CAMLG: variants seen among roughly 807,000 people sequenced by gnomAD.
CAMLG encodes calcium modulating ligand.
In CAMLG, 23 loss-of-function variants were observed where a neutral mutation model predicts 28.9. The observed-to-expected ratio is 0.80, with a 90% CI of 0.57 to 1.13. The LOEUF (loss-of-function observed/expected upper bound fraction) is 1.13, where lower values mean the gene tolerates loss of function less well. Ranked by LOEUF, CAMLG falls within the 50% of genes most tolerant of loss-of-function variation. The probability of loss-of-function intolerance (pLI) is 0.00; values close to 1 mark genes in which losing one functional copy is unlikely to be tolerated. For missense variants in CAMLG, 367 were observed against 371.9 expected, an observed-to-expected ratio of 0.99 and a Z score of 0.11; for synonymous variants, 141 against 146.5, an observed-to-expected ratio of 0.96 and a Z score of 0.27.
chr5:134,742,547 T>C (rs1752997920), intron 2 of CAMLG, among the ~76,000 whole-genome samples: 1 of 152,152 alleles, frequency 6.6e-6, no homozygotes, highest in Non-Finnish European at 1.5e-5. Flanking sequence ...TCCTAATATA[T>C]CATAATGAGT....
At chr5:134,747,942 A>G (rs1446468385) in intron 3 of CAMLG, among the ~76,000 whole-genome samples, 4 of 147,624 alleles carry the variant, frequency 2.7e-5, no homozygotes, top group African/African-American at 1.0e-4. Flanking sequence ...GCTCACCACA[A>G]CCTCCGCCTC....
At chr5:134,749,140 T>G (rs912484115) in intron 3 of CAMLG, among the ~76,000 whole-genome samples, 7 of 151,790 alleles carry the variant, frequency 4.6e-5, no homozygotes, top group African/African-American at 1.5e-4. Flanking sequence ...CGATCTCGGC[T>G]CACTGCAGCC....
chr5:134,752,040 A>C lies in CAMLG; in HGVS notation c.*1090A>C, dbSNP rs1045499953. On this transcript the variant is annotated 3_prime_UTR_variant, in exon 4 of 4. Coordinates refer to ENST00000297156, the MANE Select transcript of CAMLG (RefSeq NM_001745.4). ...CCATATTTTGTTGGGTTGTCTTCTT[A>C]AAAGAATATAAGACTAAAGTGTTAA... The C allele has an allele frequency of 1.3e-5, 2 of 152,206 alleles. No individual in the cohort carries two copies. Among genetic ancestry groups the C allele is most frequent in the Non-Finnish European group, 2.9e-5 (2 of 68,036 alleles). The allele number at this position is 152,206 out of a possible 1,614,324, so 9.4% of individuals were successfully genotyped here. A position where few individuals can be genotyped will look rare whatever the true frequency, so the allele number is the denominator to read the frequency against.
chr5:134,747,999 T>C (rs938745524), intron 3 of CAMLG, among the ~76,000 whole-genome samples: 2 of 151,664 alleles, frequency 1.3e-5, no homozygotes, highest in African/African-American at 4.8e-5. Flanking sequence ...GTAGCTGGGA[T>C]TACAGGCATG....
At chr5:134,744,527 C>CA (rs751658223) in intron 3 of CAMLG, among the ~76,000 whole-genome samples, 4,066 of 60,108 alleles carry the variant, frequency 0.068, 245 homozygotes, top group African/African-American at 0.16. Flanking sequence ...ACTCTGTCTC[C>CA]AAAAAAAAAA....
chr5:134,738,865 C>G (rs999683216), intron 1 of CAMLG, 73 bp downstream of exon 1: 7 of 1,413,934 alleles, frequency 5.0e-6, no homozygotes, highest in Non-Finnish European at 6.9e-6. Context: ...CCCTCTCCCA[C>G]CTCCACTCCT....
chr5:134,739,527 CAT>C (rs1752958871), intron 1 of CAMLG, among the ~76,000 whole-genome samples: 1 of 152,186 alleles, frequency 6.6e-6, no homozygotes, highest in South Asian at 2.1e-4. Context: ...CCCCCAAACA[CAT>C]GTCCAATGAT....
intron 3 of CAMLG, among the ~76,000 whole-genome samples, chr5:134,747,536 C>T (rs1426070853): frequency 6.6e-6 from 1 of 151,930 alleles, no homozygotes; most frequent in African/African-American, 2.4e-5. Context: ...TTAGTAGAGA[C>T]GGGGTTTCAC....
At chr5:134,746,460 C>A (rs564927153) in intron 3 of CAMLG, among the ~76,000 whole-genome samples, 8 of 152,082 alleles carry the variant, frequency 5.3e-5, no homozygotes, top group Admixed American at 1.3e-4. Flanking sequence ...AACAAAACAG[C>A]ATTTTGTTAT....
At chr5:134,741,752 C>A (rs79706599) in intron 2 of CAMLG, among the ~76,000 whole-genome samples, 15,372 of 152,256 alleles carry the variant, frequency 0.1, 1,088 homozygotes, top group East Asian at 0.26. Context: ...GTTGGTTCTG[C>A]ACCCTATGTG....
chr5:134,749,007 AAG>A (rs1753082509), intron 3 of CAMLG, among the ~76,000 whole-genome samples: 1 of 151,730 alleles, frequency 6.6e-6, no homozygotes, highest in Non-Finnish European at 1.5e-5. Context: ...GACTAAAACT[AAG>A]AGCTTTCTTG....
intron 3 of CAMLG, 122 bp downstream of exon 3, chr5:134,744,174 GTTTGCC>G (rs1753017924): frequency 1.7e-6 from 1 of 577,470 alleles, no homozygotes; most frequent in Non-Finnish European, 3.1e-6. Flanking sequence ...TCAAAGTGTG[GTTTGCC>G]CACTTATCTC....
chr5:134,738,933 G>T (rs1404379338), intron 1 of CAMLG, 141 bp downstream of exon 1: 6 of 809,258 alleles, frequency 7.4e-6, no homozygotes, highest in Non-Finnish European at 1.2e-5. Flanking sequence ...CCCCTTCGGT[G>T]ATATCCCAAG....
At chr5:134,743,785 G>C (rs746337390) in intron 2 of CAMLG, among the ~76,000 whole-genome samples, 1 of 152,050 alleles carries the variant, frequency 6.6e-6, no homozygotes, top group Non-Finnish European at 1.5e-5. Context: ...AGCATCGCTT[G>C]AATCTGGGAG....
At chr5:134,748,064 A>G (rs1456394325) in intron 3 of CAMLG, among the ~76,000 whole-genome samples, 1 of 150,218 alleles carries the variant, frequency 6.7e-6, no homozygotes, top group Non-Finnish European at 1.5e-5. Flanking sequence ...GGGTTTCACC[A>G]TGTTGGCCAA....
Position 134,741,131 on chromosome 5 carries a change from G to GTTT in CAMLG, c.242_244dup (p.Val81_Ser82insPhe). ...ACTGAACTCCCTCAGCGTTCCTTCC[G>GTTT]TTTCAAAGCGAGTAGTGCTGGGTGA... is the stretch of plus-strand genomic sequence containing the variant. On this transcript the variant is annotated inframe_insertion, in exon 2 of 4. Coordinates refer to ENST00000297156, the MANE Select transcript of CAMLG (RefSeq NM_001745.4). 1 of 1,614,124 alleles carries GTTT rather than the reference G, an allele frequency of 6.2e-7. No homozygotes were observed. The highest frequency in any genetic ancestry group is 8.5e-7 in the Non-Finnish European group (1 of 1,179,972).
intron 3 of CAMLG, among the ~76,000 whole-genome samples, chr5:134,744,477 T>C (rs1479198162): frequency 2.0e-5 from 3 of 149,862 alleles, no homozygotes. Context: ...TGAGCCAAGA[T>C]TGCGCCACTG....
chr5:134,744,695 A>G (rs1021275270), intron 3 of CAMLG, among the ~76,000 whole-genome samples: 6 of 152,204 alleles, frequency 3.9e-5, no homozygotes, highest in African/African-American at 1.4e-4. Context: ...AAATTTAGTA[A>G]TTCATTTTGT....
intron 3 of CAMLG, among the ~76,000 whole-genome samples, chr5:134,749,477 A>G (rs1374210266): frequency 2.0e-5 from 3 of 152,228 alleles, no homozygotes; most frequent in Non-Finnish European, 4.4e-5. Flanking sequence ...TAGAAAATTA[A>G]TAAGTAAATG....
Sources: gnomAD v4.1 joint callset for allele counts (sites outside exome capture counted in the v4.1 genomes callset) on GRCh38, gnomAD v4.1.1 for gene constraint, MANE v1.5 for transcripts, NCBI Gene and HGNC (gene_info 2026-07-23, HGNC 2026-07-21) for gene names.